SRGAP2C: variants seen among roughly 807,000 people sequenced by gnomAD.
SRGAP2C encodes SLIT-ROBO Rho GTPase-activating protein 2C.
A neutral mutation model predicts 25.1 loss-of-function variants in SRGAP2C; 15 were observed. The observed-to-expected ratio is 0.60, with a 90% CI of 0.40 to 0.92. SRGAP2C has a LOEUF of 0.92. Among genes scored for constraint, SRGAP2C ranks in the 40% least tolerant of loss-of-function variants. The pLI is 0.00. For missense variants in SRGAP2C, 144 were observed against 264.4 expected, an observed-to-expected ratio of 0.54 and a Z score of 3.16; for synonymous variants, 44 against 96.6, an observed-to-expected ratio of 0.46 and a Z score of 3.19.
chr1:121,368,000 T>C (rs1209665780), intron 5 of SRGAP2C, among the ~76,000 whole-genome samples: 10 of 97,164 alleles, frequency 1.0e-4, no homozygotes, highest in East Asian at 6.9e-4. Flanking sequence ...GGCGTGAACC[T>C]GGGAGGCAGA....
chr1:121,374,699 T>A (rs1659590665), intron 6 of SRGAP2C, 127 bp from the exon 7 acceptor site: 1 of 616,318 alleles, frequency 1.6e-6, no homozygotes, highest in Admixed American at 2.8e-5. Flanking sequence ...AGAACCCAAT[T>A]TAAGGCAGAT....
chr1:121,213,117 C>T (rs1190812521), intron 2 of SRGAP2C, among the ~76,000 whole-genome samples: 2 of 150,522 alleles, frequency 1.3e-5, no homozygotes, highest in African/African-American at 4.9e-5. Context: ...ATGATCTCAG[C>T]TCACTGCAAC....
At chr1:121,201,599 G>A (rs1223120128) in intron 2 of SRGAP2C, among the ~76,000 whole-genome samples, 3 of 152,224 alleles carry the variant, frequency 2.0e-5, no homozygotes, top group East Asian at 3.9e-4. Context: ...GTGCGCGCAC[G>A]CACACAAACA....
chr1:121,227,864 A>T (rs1553326818), intron 2 of SRGAP2C, among the ~76,000 whole-genome samples: 1 of 149,872 alleles, frequency 6.7e-6, no homozygotes, highest in East Asian at 1.9e-4. Flanking sequence ...TTGAGGATGG[A>T]TGTGTATCTC....
chr1:121,372,149 A>G (rs1242435952), intron 5 of SRGAP2C, among the ~76,000 whole-genome samples: 7 of 151,356 alleles, frequency 4.6e-5, no homozygotes, highest in Non-Finnish European at 1.0e-4. Context: ...AACATTCTGC[A>G]TTCAAAATGA....
intron 4 of SRGAP2C, among the ~76,000 whole-genome samples, chr1:121,348,423 G>T (rs1553344660): frequency 8.7e-5 from 13 of 150,196 alleles, no homozygotes; most frequent in African/African-American, 1.2e-4. Flanking sequence ...GTAGCAAATG[G>T]ATTTAAAGCT....
chr1:121,228,736 G>GC, intron 2 of SRGAP2C, among the ~76,000 whole-genome samples: 1 of 151,762 alleles, frequency 6.6e-6, no homozygotes, highest in South Asian at 2.1e-4. Context: ...ATTACTAAAT[G>GC]TTTATTAAAC....
At chr1:121,357,417 G>A (rs1659088396) in intron 4 of SRGAP2C, among the ~76,000 whole-genome samples, 1 of 148,222 alleles carries the variant, frequency 6.7e-6, no homozygotes, top group African/African-American at 2.5e-5. Context: ...CTATCTGGAG[G>A]AATAGAAGGT....
intron 2 of SRGAP2C, among the ~76,000 whole-genome samples, chr1:121,216,472 A>G (rs1655389471): frequency 6.6e-6 from 1 of 151,468 alleles, no homozygotes; most frequent in South Asian, 2.1e-4. Context: ...AAAAAAAGAC[A>G]ATGTATTTTA....
chr1:121,235,640 TTA>T (rs1251090427), intron 2 of SRGAP2C, among the ~76,000 whole-genome samples: 2 of 59,716 alleles, frequency 3.3e-5, no homozygotes, highest in Admixed American at 1.5e-4. Flanking sequence ...TTTTTTTTTT[TTA>T]GGAGGGGGTT....
chr1:121,375,318 C>CA (rs1659614790), intron 7 of SRGAP2C, among the ~76,000 whole-genome samples: 1 of 19,810 alleles, frequency 5.0e-5, no homozygotes, highest in Non-Finnish European at 9.4e-5. Context: ...TACTTTCTTC[C>CA]TTTTTTTTTT....
chr1:121,224,098 A>G (rs1413487085), intron 2 of SRGAP2C, among the ~76,000 whole-genome samples: 2 of 151,842 alleles, frequency 1.3e-5, no homozygotes, highest in Non-Finnish European at 2.9e-5. Context: ...ACAAAGAAAT[A>G]CAGTTTCTGC....
chr1:121,269,856 A>G (rs1323252024), intron 2 of SRGAP2C, among the ~76,000 whole-genome samples: 9 of 148,260 alleles, frequency 6.1e-5, no homozygotes, highest in African/African-American at 2.0e-4. Context: ...TTATATCTTC[A>G]CTTTAGATGA....
chr1:121,386,193 C>CT (rs1486339264), intron 8 of SRGAP2C, among the ~76,000 whole-genome samples: 1 of 52,918 alleles, frequency 1.9e-5, no homozygotes, highest in African/African-American at 9.5e-5. Flanking sequence ...CTTCACTGTG[C>CT]CAAAGCATTG....
rs781994652 is a variant in SRGAP2C at position 121,374,818 on chromosome 1, C to T, written c.703-8C>T. On this transcript the variant is annotated splice_region_variant and splice_polypyrimidine_tract_variant and intron_variant, in intron 6 of 9. Coordinates refer to ENST00000367123, the MANE Select transcript of SRGAP2C (RefSeq NM_001329984.2). ...AAAGGTAAAAGTGAACTTCTGTTTC[C>T]TTTTCAGCACCAAGCCAAGTACACG... The T allele has an allele frequency of 1.2e-4, 89 of 757,676 alleles. No homozygotes were observed. The African/African-American group carries it at 1.4e-3, about 12-fold the overall frequency. The allele number at this position is 757,676 out of a possible 1,614,324, so 46.9% of individuals were successfully genotyped here. A position where few individuals can be genotyped will look rare whatever the true frequency, so the allele number is the denominator to read the frequency against.
At chr1:121,219,271 T>C (rs1197914461) in intron 2 of SRGAP2C, among the ~76,000 whole-genome samples, 4 of 128,086 alleles carry the variant, frequency 3.1e-5, no homozygotes, top group Non-Finnish European at 6.4e-5. Flanking sequence ...TGAAGAGAAG[T>C]TGGTATGTCA....
In SRGAP2C at chr1:121,249,496, C is replaced by A. The variant is rs1284783717; in HGVS notation, c.68-35307C>A. ...AATGAAGGTGACAAGTTCTTCCATG[C>A]AAATATGATTTGGGAAAATTTTAAC... On this transcript the variant is annotated intron_variant, in intron 2 of 9. Coordinates refer to ENST00000367123, the MANE Select transcript of SRGAP2C (RefSeq NM_001329984.2). Among the ~76,000 whole-genome samples the A allele has an allele frequency of 2.3e-3, 57 of 25,282 alleles. 1 individual carries two copies. Among genetic ancestry groups the A allele is most frequent in the African/African-American group, 0.011 (55 of 5,150 alleles). 16.6% of individuals were successfully genotyped at this position (25,282 alleles called of 152,430 possible).
At chr1:121,207,245 T>C (rs1277122468) in intron 2 of SRGAP2C, among the ~76,000 whole-genome samples, 1 of 152,148 alleles carries the variant, frequency 6.6e-6, no homozygotes, top group Non-Finnish European at 1.5e-5. Context: ...GGCTTCGTGT[T>C]TGTATGCAGG....
At chr1:121,207,208 A>G (rs1655134833) in intron 2 of SRGAP2C, among the ~76,000 whole-genome samples, 1 of 151,876 alleles carries the variant, frequency 6.6e-6, no homozygotes, top group Non-Finnish European at 1.5e-5. Flanking sequence ...CTTACCTTTC[A>G]CTTTCAGAAA....
Sources: allele counts gnomAD v4.1 joint callset (sites outside exome capture counted in the v4.1 genomes callset), GRCh38; gene constraint gnomAD v4.1.1; transcripts MANE v1.5; gene names NCBI Gene and HGNC (gene_info 2026-07-23, HGNC 2026-07-21).